LHPP: variants seen among roughly 807,000 people sequenced by gnomAD.
LHPP encodes the protein hLHPP.
A neutral mutation model predicts 30.3 loss-of-function variants in LHPP; 24 were observed. That is an observed-to-expected ratio of 0.79 (90% CI 0.57 to 1.11). LHPP has a LOEUF of 1.11. Ranked by LOEUF, LHPP falls within the 50% of genes most tolerant of loss-of-function variation. The pLI, the probability that LHPP is intolerant of heterozygous loss-of-function variation, is 0.00. For synonymous variants in LHPP, 150 were observed against 157.1 expected (o/e 0.95, Z 0.34); for missense variants, 356 against 367.2 (o/e 0.97, Z 0.25).
intron 1 of LHPP, among the ~76,000 whole-genome samples, chr10:124,468,918 G>GA (rs1462766925): frequency 6.6e-6 from 1 of 152,226 alleles, no homozygotes; most frequent in Non-Finnish European, 1.5e-5. Flanking sequence ...CCCCCTCCAG[G>GA]AAAGTGTGCC....
chr10:124,485,422 T>C (rs1408194159), intron 2 of LHPP, among the ~76,000 whole-genome samples: 1 of 151,980 alleles, frequency 6.6e-6, no homozygotes, highest in Non-Finnish European at 1.5e-5. Context: ...GCTGGGAGGC[T>C]GAAGGGAGGA....
intron 6 of LHPP, among the ~76,000 whole-genome samples, chr10:124,577,572 G>C (rs552548409): frequency 1.1e-3 from 143 of 128,206 alleles, no homozygotes; most frequent in African/African-American, 3.4e-3. Context: ...TTAGAGGCCT[G>C]GCCCTGCCTT....
chr10:124,498,657 TTTC>T, intron 5 of LHPP: 4 of 577,790 alleles, frequency 6.9e-6, no homozygotes, highest in Non-Finnish European at 9.3e-6. Flanking sequence ...TTCTTTTCTT[TTTC>T]TTTTTTTTTT....
intron 5 of LHPP, among the ~76,000 whole-genome samples, chr10:124,515,117 G>T (rs1564803602): frequency 2.0e-5 from 3 of 152,164 alleles, no homozygotes; most frequent in East Asian, 1.9e-4. Flanking sequence ...TCACTTTGAG[G>T]AACTCTAATT....
rs1953040719 is a variant in LHPP, at chr10:124,478,913, A to T, written c.126-5226A>T. Among the ~76,000 whole-genome samples, 2 of 152,160 alleles carry T rather than the reference A, an allele frequency of 1.3e-5. No individual in the cohort carries two copies. The highest frequency in any genetic ancestry group is 4.1e-4 in the South Asian group (2 of 4,832). ...GTGAGACCCCGTCTCTACTAAAAAT[A>T]TAAAAATTAGCCGGGCATGGTGGTG... On this transcript the variant is annotated intron_variant, in intron 1 of 6. Coordinates refer to ENST00000368842, the MANE Select transcript of LHPP (RefSeq NM_022126.4). The surrounding 1 kb of genome is among the most constrained non-coding windows in gnomAD (Gnocchi z 4.7).
At chr10:124,577,488 C>T (rs1384864024) in intron 6 of LHPP, among the ~76,000 whole-genome samples, 4 of 152,218 alleles carry the variant, frequency 2.6e-5, no homozygotes, top group Non-Finnish European at 5.9e-5. Flanking sequence ...CTCCGGCTTT[C>T]AGGTTCCCCA....
chr10:124,520,292 C>T (rs917641463), intron 6 of LHPP, among the ~76,000 whole-genome samples: 1 of 152,148 alleles, frequency 6.6e-6, no homozygotes, highest in Non-Finnish European at 1.5e-5. Context: ...CCCTCCTCCC[C>T]TCTTCACCCT....
At position 124,484,332 on chromosome 10, in the gene LHPP, C is replaced by A. The variant is rs112299803; in HGVS notation, c.313+6C>A. The A allele has an allele frequency of 8.3e-3, 13,343 of 1,608,110 alleles. 79 individuals carry two copies. The highest frequency in any genetic ancestry group is 9.5e-3 in the Non-Finnish European group (11,179 of 1,175,332). On this transcript the variant is annotated splice_donor_region_variant and intron_variant, in intron 2 of 6. Coordinates refer to ENST00000368842, the MANE Select transcript of LHPP (RefSeq NM_022126.4). ...ATACCTGCTCATCCATGACGGTAGG[C>A]CTGTCGGACACCAGGACCTCACGGG...
At chr10:124,582,813 T>G (rs1448211102) in intron 6 of LHPP, among the ~76,000 whole-genome samples, 2 of 151,086 alleles carry the variant, frequency 1.3e-5, no homozygotes, top group African/African-American at 4.9e-5. Context: ...AAGACCAGCC[T>G]GGGCAACATG....
At chr10:124,484,397 G>C (rs1953252351) in intron 2 of LHPP, 71 bp downstream of exon 2, 6 of 1,455,320 alleles carry the variant, frequency 4.1e-6, no homozygotes, top group East Asian at 4.6e-5. Flanking sequence ...GCTGTGCAGA[G>C]AGCCTCTTTC....
At chr10:124,565,492 A>G (rs1334997029) in intron 6 of LHPP, among the ~76,000 whole-genome samples, 2 of 152,120 alleles carry the variant, frequency 1.3e-5, no homozygotes, top group Admixed American at 6.5e-5. Context: ...GGGGTTCCAG[A>G]TTTGATGTCT....
At chr10:124,509,302 C>A (rs1329658973) in intron 5 of LHPP, among the ~76,000 whole-genome samples, 1 of 152,240 alleles carries the variant, frequency 6.6e-6, no homozygotes, top group African/African-American at 2.4e-5. Flanking sequence ...AGACTCCCGT[C>A]ATATTCTTGA....
chr10:124,485,508 T>C (rs1953297704), intron 2 of LHPP, among the ~76,000 whole-genome samples: 1 of 152,196 alleles, frequency 6.6e-6, no homozygotes, highest in Non-Finnish European at 1.5e-5. Flanking sequence ...CTTGGAATTT[T>C]TTTTTTCAGT....
chr10:124,525,035 C>T (rs1954697717), intron 6 of LHPP, among the ~76,000 whole-genome samples: 1 of 152,236 alleles, frequency 6.6e-6, no homozygotes, highest in African/African-American at 2.4e-5. Context: ...GCAGAGGCGG[C>T]CCCGCCTTGC....
chr10:124,517,934 C>T lies in LHPP; in HGVS notation c.716+663C>T, dbSNP rs1358838411. 6.6e-6 allele frequency among the ~76,000 whole-genome samples: 1 copy of T among 152,128 alleles called. No individual in the cohort carries two copies. Among genetic ancestry groups the T allele is most frequent in the Non-Finnish European group, 1.5e-5 (1 of 68,024 alleles). ...TGCCTTGCCTTATGCTAGATGGTTT[C>T]GATTGTGGCCATTCAGAGAAAGTAC... On this transcript the variant is annotated intron_variant, in intron 6 of 6. Transcript: ENST00000368842. This position sits in a 1 kb window ranked among gnomAD's most constrained non-coding sequence, Gnocchi z 4.1.
intron 5 of LHPP, among the ~76,000 whole-genome samples, chr10:124,509,625 G>C (rs117793733): frequency 1.3e-5 from 2 of 150,660 alleles, no homozygotes; most frequent in African/African-American, 4.9e-5. Context: ...GAAGGTGTCC[G>C]ACCACAGTGG....
intron 6 of LHPP, among the ~76,000 whole-genome samples, chr10:124,555,506 T>C (rs1225855034): frequency 1.3e-5 from 2 of 151,658 alleles, no homozygotes; most frequent in Admixed American, 1.3e-4. Flanking sequence ...TGTGTCCCCG[T>C]CTGATCTCCC....
At chr10:124,468,522 G>A (rs951800071) in intron 1 of LHPP, among the ~76,000 whole-genome samples, 1 of 152,096 alleles carries the variant, frequency 6.6e-6, no homozygotes, top group Admixed American at 6.5e-5. Flanking sequence ...TCAACCCCAT[G>A]GGCTTCCCAT....
chr10:124,553,823 C>A, intron 6 of LHPP: 1 of 899,610 alleles, frequency 1.1e-6, no homozygotes, highest in Non-Finnish European at 1.3e-6. Flanking sequence ...TGCACAGAGA[C>A]CTCCCCCGGG....
Sources: allele counts gnomAD v4.1 joint callset (sites outside exome capture counted in the v4.1 genomes callset), GRCh38; gene constraint gnomAD v4.1.1; non-coding constraint Gnocchi (gnomAD v3.1); transcripts MANE v1.5; gene names NCBI Gene and HGNC (gene_info 2026-07-23, HGNC 2026-07-21).